Variants in PDIA6 observed in about 807,000 individuals in gnomAD.
PDIA6 encodes the protein protein disulfide isomerase family A member 6.
Under a neutral mutation model 58.4 loss-of-function variants are expected in PDIA6, and 29 were observed. That is an observed-to-expected ratio of 0.50 (90% CI 0.37 to 0.68). PDIA6 has a LOEUF of 0.68. PDIA6 is among the 30% of genes least tolerant of loss of function. The pLI is 0.00. For synonymous variants in PDIA6, 192 were observed against 202.6 expected, an observed-to-expected ratio of 0.95 and a Z score of 0.44; for missense variants, 480 against 551.0, an observed-to-expected ratio of 0.87 and a Z score of 1.29.
chr2:10,834,717 C>G (rs1368679134), upstream of PDIA6, among the ~76,000 whole-genome samples: 1 of 49,690 alleles, frequency 2.0e-5, no homozygotes, highest in Non-Finnish European at 4.7e-5. Flanking sequence ...CTCCCTCCCT[C>G]CCTCCCTTCC....
chr2:10,833,662 C>T (rs1007685031), upstream of PDIA6, among the ~76,000 whole-genome samples: 2 of 152,246 alleles, frequency 1.3e-5, no homozygotes, highest in Non-Finnish European at 2.9e-5. Flanking sequence ...AGACACATCC[C>T]TCTTATACCC....
At chr2:10,804,289 G>A (rs1173773371) in intron 1 of PDIA6, among the ~76,000 whole-genome samples, 1 of 150,734 alleles carries the variant, frequency 6.6e-6, no homozygotes, top group East Asian at 1.9e-4. Context: ...TTCTTCTAGG[G>A]TTTTTATGGT....
At chr2:10,805,721 T>C (rs1238262479) in intron 1 of PDIA6, among the ~76,000 whole-genome samples, 1 of 100,710 alleles carries the variant, frequency 9.9e-6, no homozygotes, top group African/African-American at 3.0e-5. Flanking sequence ...CATGGAATAC[T>C]ATGCAGCCAT....
intron 11 of PDIA6, among the ~76,000 whole-genome samples, chr2:10,786,418 A>C (rs1665761738): frequency 6.6e-6 from 1 of 152,142 alleles, no homozygotes; most frequent in East Asian, 1.9e-4. Context: ...GCAGAGGCTG[A>C]AGCAGCTGAT....
intron 1 of PDIA6, among the ~76,000 whole-genome samples, chr2:10,830,643 G>A (rs1398335874): frequency 6.6e-6 from 1 of 152,260 alleles, no homozygotes; most frequent in South Asian, 2.1e-4. Context: ...CAATTTTGTA[G>A]GAGATACTTA....
In PDIA6 at chr2:10,818,514, A is replaced by C. The variant is rs146299854; in HGVS notation, c.34+760T>G. Among the ~76,000 whole-genome samples the C allele has an allele frequency of 7.1e-3, 910 of 128,180 alleles. 3 individuals carry two copies. The highest frequency in any genetic ancestry group is 9.7e-3 in the Non-Finnish European group (579 of 59,696). The allele number at this position is 128,180 out of a possible 152,430, so 84.1% of individuals were successfully genotyped here. A position where few individuals can be genotyped will look rare whatever the true frequency, so the allele number is the denominator to read the frequency against. On this transcript the variant is annotated intron_variant, in intron 2 of 13. Transcript: ENST00000381611. Reference sequence around the variant, plus strand: ...TATTTATTTATTTATTTATTTATTTATTTATTTATTTATTTATTTATTTTG... The same window carrying C: ...TATTTATTTATTTATTTATTTATTTCTTTATTTATTTATTTATTTATTTTG...
At chr2:10,824,000 C>A (rs1296310061) in intron 1 of PDIA6, among the ~76,000 whole-genome samples, 3 of 152,236 alleles carry the variant, frequency 2.0e-5, no homozygotes, top group Non-Finnish European at 4.4e-5. Context: ...CTTGTAAGCA[C>A]CCACATCATG....
chr2:10,808,971 G>A (rs1045371679), intron 1 of PDIA6, among the ~76,000 whole-genome samples: 10 of 152,168 alleles, frequency 6.6e-5, no homozygotes, highest in East Asian at 1.9e-4. Context: ...CATCATGCCC[G>A]GCTAATTTTT....
At chr2:10,793,929 TCTTG>T (rs1315281099) in intron 4 of PDIA6, among the ~76,000 whole-genome samples, 9 of 152,194 alleles carry the variant, frequency 5.9e-5, no homozygotes, top group Admixed American at 2.6e-4. Flanking sequence ...TTTTTTTCTA[TCTTG>T]CTTGAAACAG....
intron 4 of PDIA6, among the ~76,000 whole-genome samples, chr2:10,793,508 G>A (rs1029105008): frequency 7.2e-5 from 11 of 152,046 alleles, no homozygotes; most frequent in African/African-American, 2.4e-4. Flanking sequence ...TCCGCCTCCC[G>A]GGTTCGAGTG....
chr2:10,806,025 TAAA>T (rs80344702), intron 1 of PDIA6, among the ~76,000 whole-genome samples: 6,817 of 68,136 alleles, frequency 0.1, 337 homozygotes, highest in Non-Finnish European at 0.15. Flanking sequence ...AAAGTATAAT[TAAA>T]AAAAAAAAAA....
chr2:10,825,067 C>T (rs1380089554), intron 1 of PDIA6, among the ~76,000 whole-genome samples: 2 of 152,164 alleles, frequency 1.3e-5, no homozygotes, highest in Non-Finnish European at 2.9e-5. Flanking sequence ...GTGAAAAGGC[C>T]AGGCTGGCCT....
chr2:10,812,528 G>A (rs541437062), intron 1 of PDIA6, 150 bp downstream of exon 1: 4 of 754,080 alleles, frequency 5.3e-6, no homozygotes, highest in Middle Eastern at 4.5e-4. Flanking sequence ...CAACCTAGCA[G>A]CTCCTCCGGA....
At chr2:10,791,682 G>T in intron 6 of PDIA6, 113 bp downstream of exon 6, 1 of 934,618 alleles carries the variant, frequency 1.1e-6, no homozygotes, top group Non-Finnish European at 1.6e-6. Flanking sequence ...TCAGAGTTTT[G>T]CTGGAAGAGA....
At position 10,783,843 on chromosome 2, in the gene PDIA6, T is replaced by C. The variant is rs75496500; in HGVS notation, c.*415A>G. ...CACTCTGAATTTATGATGTGGATAC[T>C]AACTTCATACATTTATCGGCATTGT... On this transcript the variant is annotated 3_prime_UTR_variant, in exon 13 of 13. Transcript: ENST00000272227. The C allele has an allele frequency of 4.1e-4, 66 of 159,224 alleles. No homozygotes were observed. In the East Asian group the frequency reaches 0.01, roughly 25 times the overall value. The allele number at this position is 159,224 out of a possible 1,614,324, so 9.9% of individuals were successfully genotyped here. A position where few individuals can be genotyped will look rare whatever the true frequency, so the allele number is the denominator to read the frequency against.
intron 1 of PDIA6, among the ~76,000 whole-genome samples, chr2:10,809,567 G>C (rs1430836942): frequency 7.2e-6 from 1 of 139,556 alleles, no homozygotes; most frequent in East Asian, 2.3e-4. Flanking sequence ...ATGGTAGGGT[G>C]CATCTGTAGC....
intron 1 of PDIA6, chr2:10,823,464 G>C (rs965589035): frequency 7.2e-5 from 11 of 152,242 alleles, no homozygotes; most frequent in Admixed American, 3.9e-4. Flanking sequence ...TAGGTGCTCA[G>C]CGAACACTTT....
intron 11 of PDIA6, among the ~76,000 whole-genome samples, chr2:10,785,698 C>T (rs1389697261): frequency 6.6e-6 from 1 of 152,200 alleles, no homozygotes. Flanking sequence ...AAATACTACT[C>T]TATGACAATC....
At chr2:10,812,830 G>T (rs1002895789), upstream of PDIA6, 14 of 1,176,482 alleles carry the variant, frequency 1.2e-5, no homozygotes, top group African/African-American at 2.1e-4. Flanking sequence ...GCGCGGGGGC[G>T]GGCCGGAAGG....
Sources: allele counts gnomAD v4.1 joint callset (sites outside exome capture counted in the v4.1 genomes callset), GRCh38; gene constraint gnomAD v4.1.1; transcripts MANE v1.5; gene names NCBI Gene and HGNC (gene_info 2026-07-23, HGNC 2026-07-21).